LRRC28: variants seen among roughly 807,000 people sequenced by gnomAD.
The protein encoded by LRRC28 is leucine-rich repeat-containing protein 28.
In LRRC28, 39 loss-of-function variants were observed where a neutral mutation model predicts 45.7. The ratio of observed to expected loss-of-function variants is 0.85; its 90% confidence interval spans 0.66 to 1.12. LRRC28 has a LOEUF of 1.12. Ranked by LOEUF, LRRC28 falls within the 50% of genes most tolerant of loss-of-function variation. LRRC28 has a pLI of 0.00. For missense variants in LRRC28, 435 were observed against 438.5 expected (o/e 0.99, Z 0.07); for synonymous variants, 206 against 178.8 (o/e 1.15, Z -1.22).
Position 99,272,306 on chromosome 15 carries a change from C to T in LRRC28, c.169-4270C>T, listed in dbSNP as rs533275323. 7.9e-5 allele frequency among the ~76,000 whole-genome samples: 12 copies of T among 152,300 alleles called. 1 individual carries two copies. In the South Asian group the frequency reaches 1.4e-3, roughly 18 times the overall value. On this transcript the variant is annotated intron_variant, in intron 2 of 9. Coordinates refer to ENST00000301981, the MANE Select transcript of LRRC28 (RefSeq NM_144598.5). ...GGAATGAAGCTGACAAAACGTCCAC[C>T]GTCTGGTGGTCACTGTGGAAGGGGT...
chr15:99,342,186 C>T (rs1015346232), intron 6 of LRRC28, among the ~76,000 whole-genome samples: 1 of 152,180 alleles, frequency 6.6e-6, no homozygotes, highest in African/African-American at 2.4e-5. Context: ...TTTTTCCTCA[C>T]TTATCTCTTT....
intron 5 of LRRC28, among the ~76,000 whole-genome samples, chr15:99,328,837 G>A (rs978926866): frequency 1.3e-5 from 2 of 151,388 alleles, no homozygotes; most frequent in African/African-American, 4.9e-5. Context: ...GCAGCCCGCC[G>A]GGTCCTGAGG....
chr15:99,275,315 A>G (rs1383235625), intron 2 of LRRC28, among the ~76,000 whole-genome samples: 2 of 152,108 alleles, frequency 1.3e-5, no homozygotes, highest in Non-Finnish European at 2.9e-5. Flanking sequence ...TTCTGGGTAA[A>G]GGACCTAGGT....
chr15:99,254,657 A>G (rs1378167432), intron 1 of LRRC28, among the ~76,000 whole-genome samples: 1 of 152,244 alleles, frequency 6.6e-6, no homozygotes, highest in African/African-American at 2.4e-5. Flanking sequence ...TGGACCTGGT[A>G]TCAAACCCTT....
chr15:99,354,736 A>G (rs563997667), intron 7 of LRRC28, among the ~76,000 whole-genome samples: 33 of 152,324 alleles, frequency 2.2e-4, no homozygotes, highest in Non-Finnish European at 4.1e-4. Context: ...ACTTGGTACT[A>G]GTTCTCTTTA....
chr15:99,352,436 A>G lies in LRRC28; in HGVS notation c.660A>G (p.Pro220=), dbSNP rs200242045. Residue 220 remains proline, a synonymous_variant, in exon 7 of 10, where the codon CCA becomes CCG. Transcript: ENST00000301981. ...VDNNIHLKGL[P]SYLYNKVIGC... is the part of the protein sequence containing the mutation. ...ACAACATTCACCTGAAAGGCTTGCC[A>G]TCTTATCTGTACAATAAAGTCATCG... 3.8e-5 allele frequency: 62 copies of G among 1,614,078 alleles called. No individual in the cohort carries two copies. The highest frequency in any genetic ancestry group is 3.3e-4 in the Middle Eastern group (2 of 6,062).
At chr15:99,341,889 T>TC (rs1196266893) in intron 6 of LRRC28, among the ~76,000 whole-genome samples, 28 of 152,268 alleles carry the variant, frequency 1.8e-4, no homozygotes, top group Admixed American at 2.6e-4. Context: ...ATCTGGAGTC[T>TC]CCATCAGTCA....
rs537192731 is a variant in LRRC28, at chr15:99,312,920, A to G, written c.386-21003A>G. Among the ~76,000 whole-genome samples the G allele has an allele frequency of 7.9e-4, 120 of 152,334 alleles. No individual in the cohort carries two copies. In the South Asian group the frequency reaches 0.022, roughly 28 times the overall value. On this transcript the variant is annotated intron_variant, in intron 5 of 9. Transcript: ENST00000301981. Reference sequence around the variant, plus strand: ...TAATTTTAAAAATAGCTGAATCACAATTGTAAATATAACAACATCAGTAAT... The same window carrying G: ...TAATTTTAAAAATAGCTGAATCACAGTTGTAAATATAACAACATCAGTAAT...
At chr15:99,290,999 A>G (rs924210527) in intron 5 of LRRC28, among the ~76,000 whole-genome samples, 3 of 152,014 alleles carry the variant, frequency 2.0e-5, no homozygotes, top group African/African-American at 7.3e-5. Context: ...TCTGTGATAA[A>G]CCATTGTTCT....
At position 99,361,452 on chromosome 15, in the gene LRRC28, T is replaced by C. The variant is rs1407141360; in HGVS notation, c.812T>C (p.Leu271Pro). Residue 271 changes from leucine to proline, a missense_variant, in exon 8 of 10, where the codon CTC becomes CCC. By Grantham distance (98) the Leu-to-Pro change is moderately conservative (BLOSUM62 -3). Coordinates refer to ENST00000301981, the MANE Select transcript of LRRC28 (RefSeq NM_144598.5). The stretch of plus-strand genomic sequence containing the variant: ...ATAGGGACGGAGCATGATCACGTCC[T>C]CCCTCTGCAGGAATTGGCTATGAGA... Reference protein sequence around the residue: ...KAIGTEHDHVLPLQELAMRGL... With the variant: ...KAIGTEHDHVPPLQELAMRGL... The C allele has an allele frequency of 6.2e-7, 1 of 1,613,806 alleles. No individual in the cohort carries two copies. The highest frequency in any genetic ancestry group is 8.5e-7 in the Non-Finnish European group (1 of 1,179,928).
At chr15:99,285,743 G>A in intron 3 of LRRC28, 1 of 542,158 alleles carries the variant, frequency 1.8e-6, no homozygotes. Flanking sequence ...ATTTTGATTT[G>A]GACATTTTAA....
intron 3 of LRRC28, among the ~76,000 whole-genome samples, chr15:99,277,660 G>A (rs761309886): frequency 1.3e-5 from 2 of 152,024 alleles, no homozygotes; most frequent in Admixed American, 6.6e-5. Context: ...AACATTTTTT[G>A]TGGTGTTTGA....
At chr15:99,320,920 A>G (rs979996531) in intron 5 of LRRC28, among the ~76,000 whole-genome samples, 1 of 152,232 alleles carries the variant, frequency 6.6e-6, no homozygotes, top group Non-Finnish European at 1.5e-5. Context: ...CATGGTTTTT[A>G]AGTTCAAATA....
At chr15:99,262,021 A>G (rs1457125295) in intron 2 of LRRC28, among the ~76,000 whole-genome samples, 1 of 152,112 alleles carries the variant, frequency 6.6e-6, no homozygotes, top group African/African-American at 2.4e-5. Context: ...ATTTGGGGAA[A>G]CACAAGCTTC....
intron 9 of LRRC28, among the ~76,000 whole-genome samples, chr15:99,381,638 C>T (rs1212249490): frequency 6.6e-6 from 1 of 152,208 alleles, no homozygotes; most frequent in Non-Finnish European, 1.5e-5. Context: ...CTTTTCTGCT[C>T]TGTTTTTTCC....
At chr15:99,346,849 C>G (rs552002861) in intron 6 of LRRC28, among the ~76,000 whole-genome samples, 1 of 152,008 alleles carries the variant, frequency 6.6e-6, no homozygotes, top group Non-Finnish European at 1.5e-5. Context: ...ATTGCATGAC[C>G]TCTGTTCAGT....
chr15:99,326,903 G>T (rs1398640361), intron 5 of LRRC28, among the ~76,000 whole-genome samples: 1 of 152,172 alleles, frequency 6.6e-6, no homozygotes, highest in Non-Finnish European at 1.5e-5. Flanking sequence ...TTCATAGAAT[G>T]AGTTGGAAAG....
At chr15:99,317,940 T>C (rs1232741022) in intron 5 of LRRC28, among the ~76,000 whole-genome samples, 7 of 152,194 alleles carry the variant, frequency 4.6e-5, no homozygotes. Flanking sequence ...CAACAAAAGA[T>C]TGGTAGAACA....
chr15:99,335,479 C>T (rs940004851), intron 6 of LRRC28, among the ~76,000 whole-genome samples: 1 of 152,104 alleles, frequency 6.6e-6, no homozygotes, highest in Admixed American at 6.5e-5. Context: ...TTGTAGATTA[C>T]CATATCTGAC....
Sources: allele counts gnomAD v4.1 joint callset (sites outside exome capture counted in the v4.1 genomes callset), GRCh38; gene constraint gnomAD v4.1.1; transcripts MANE v1.5; gene names NCBI Gene and HGNC (gene_info 2026-07-23, HGNC 2026-07-21).